The following PIBF1 variants were observed in gnomAD, a reference collection of about 807,000 sequenced individuals.
The protein encoded by PIBF1 is progesterone-induced-blocking factor 1.
In PIBF1, 90 loss-of-function variants were observed where a neutral mutation model predicts 112.5. That is an observed-to-expected ratio of 0.80 (90% confidence interval 0.67 to 0.95). The LOEUF (loss-of-function observed/expected upper bound fraction) is 0.95. PIBF1 is among the 40% of genes least tolerant of loss of function. The pLI, the probability that PIBF1 is intolerant of heterozygous loss-of-function variation, is 0.00. For missense variants in PIBF1, 915 were observed against 852.3 expected (o/e 1.07, Z -0.92); for synonymous variants, 301 against 288.6 (o/e 1.04, Z -0.44).
Position 72,973,626 on chromosome 13 carries a change from CGAA to C in PIBF1, c.2004_2006del (p.Lys668del), listed in dbSNP as rs1279047253. 2.5e-6 allele frequency: 4 copies of C among 1,571,816 alleles called. No homozygotes were observed. The highest frequency in any genetic ancestry group is 2.8e-5 in the African/African-American group (2 of 72,462). On this transcript the variant is annotated inframe_deletion, in exon 16 of 18. Transcript: ENST00000326291. The stretch of plus-strand genomic sequence containing the variant: ...AAAGAAAAGTCAGCTTTACTACAGA[CGAA>C]GAATCAAATGGCATTAGATTTAGAA...
intron 10 of PIBF1, among the ~76,000 whole-genome samples, chr13:72,864,305 G>C (rs74512534): frequency 6.6e-6 from 1 of 152,116 alleles, no homozygotes; most frequent in Non-Finnish European, 1.5e-5. Flanking sequence ...TGTGTAATTC[G>C]GGGTTACACG....
chr13:72,947,814 T>A (rs567103186), intron 14 of PIBF1, among the ~76,000 whole-genome samples: 12 of 152,234 alleles, frequency 7.9e-5, no homozygotes, highest in Admixed American at 5.2e-4. Flanking sequence ...CTATTCACAA[T>A]AGCAAAGACT....
At chr13:72,950,263 G>A (rs1479068327) in intron 14 of PIBF1, among the ~76,000 whole-genome samples, 4 of 152,148 alleles carry the variant, frequency 2.6e-5, no homozygotes, top group African/African-American at 7.2e-5. Context: ...CTAAGACTCA[G>A]AGAACCCCAA....
chr13:72,839,686 T>C (rs2037517752), intron 9 of PIBF1, among the ~76,000 whole-genome samples: 1 of 152,224 alleles, frequency 6.6e-6, no homozygotes, highest in African/African-American at 2.4e-5. Flanking sequence ...AACTTTGGTA[T>C]GTAATCATCT....
At chr13:72,987,955 C>G (rs1339616546) in intron 16 of PIBF1, among the ~76,000 whole-genome samples, 1 of 143,472 alleles carries the variant, frequency 7.0e-6, no homozygotes, top group African/African-American at 2.6e-5. Flanking sequence ...CTCCGCCCCC[C>G]GGGTTTATGT....
chr13:72,892,272 A>G (rs2040087940), intron 10 of PIBF1, among the ~76,000 whole-genome samples: 1 of 152,120 alleles, frequency 6.6e-6, no homozygotes, highest in Admixed American at 6.6e-5. Flanking sequence ...TAATGCCAGG[A>G]TTTTCCAAAA....
chr13:72,801,188 A>C (rs2035452878), intron 5 of PIBF1, among the ~76,000 whole-genome samples: 1 of 152,130 alleles, frequency 6.6e-6, no homozygotes, highest in Non-Finnish European at 1.5e-5. Flanking sequence ...TGAAATGAAA[A>C]GTTGCAGGAT....
At chr13:72,873,354 G>A (rs2039244954) in intron 10 of PIBF1, among the ~76,000 whole-genome samples, 1 of 152,082 alleles carries the variant, frequency 6.6e-6, no homozygotes, top group South Asian at 2.1e-4. Context: ...AGTTATCAAA[G>A]GTTGCATAAA....
intron 13 of PIBF1, among the ~76,000 whole-genome samples, chr13:72,927,964 T>TATATATATATACATATATATATACAC (rs1555316876): frequency 6.1e-5 from 5 of 82,152 alleles, no homozygotes; most frequent in African/African-American, 2.8e-4. Context: ...TATATACACA[T>TATATATATATACATATATATATACAC]ATATATATAT....
intron 16 of PIBF1, among the ~76,000 whole-genome samples, chr13:72,987,858 A>ATTTATTTTTTTTTTT (rs1345167411): frequency 1.7e-5 from 1 of 58,134 alleles, no homozygotes; most frequent in African/African-American, 9.3e-5. Flanking sequence ...TTATTTATTT[A>ATTTATTTTTTTTTTT]TTTTTTTTTT....
chr13:72,953,047 G>T (rs981893840), intron 14 of PIBF1, among the ~76,000 whole-genome samples: 1 of 152,144 alleles, frequency 6.6e-6, no homozygotes, highest in East Asian at 1.9e-4. Context: ...GACAGAAGCA[G>T]CTGGGGAAGG....
intron 15 of PIBF1, among the ~76,000 whole-genome samples, chr13:72,968,446 A>G (rs1371304009): frequency 2.0e-5 from 3 of 151,336 alleles, no homozygotes; most frequent in Non-Finnish European, 4.4e-5. Flanking sequence ...GATAACAAGC[A>G]CCCACCACCA....
At chr13:72,788,858 A>C (rs1043043964) in intron 2 of PIBF1, among the ~76,000 whole-genome samples, 1 of 152,200 alleles carries the variant, frequency 6.6e-6, no homozygotes, top group African/African-American at 2.4e-5. Context: ...TTTGAATCTA[A>C]CATGTCCCAC....
chr13:72,917,696 T>C (rs954572905), intron 13 of PIBF1, among the ~76,000 whole-genome samples: 58 of 152,222 alleles, frequency 3.8e-4, no homozygotes, highest in Non-Finnish European at 1.0e-4. Context: ...GTTTCACATG[T>C]GTGAATTCAA....
At chr13:72,888,665 T>C (rs1268300337) in intron 10 of PIBF1, among the ~76,000 whole-genome samples, 1 of 152,126 alleles carries the variant, frequency 6.6e-6, no homozygotes, top group African/African-American at 2.4e-5. Context: ...TGGTCTATTA[T>C]ATAGCAAATG....
At chr13:72,954,661 G>A (rs1364893753) in intron 14 of PIBF1, among the ~76,000 whole-genome samples, 2 of 152,232 alleles carry the variant, frequency 1.3e-5, no homozygotes, top group Non-Finnish European at 2.9e-5. Flanking sequence ...TTTGCTGTGG[G>A]AGTGTGTGTT....
At chr13:72,938,236 G>A (rs1247545389) in intron 14 of PIBF1, among the ~76,000 whole-genome samples, 2 of 151,972 alleles carry the variant, frequency 1.3e-5, no homozygotes, top group African/African-American at 2.4e-5. Context: ...CCATTTTAAA[G>A]TATACGATTT....
chr13:72,803,067 T>C (rs2035559249), intron 5 of PIBF1, among the ~76,000 whole-genome samples: 1 of 152,116 alleles, frequency 6.6e-6, no homozygotes, highest in Non-Finnish European at 1.5e-5. Flanking sequence ...TCAAGAGTAG[T>C]TCTGGAGGAG....
intron 5 of PIBF1, among the ~76,000 whole-genome samples, chr13:72,799,760 C>T (rs2035381717): frequency 6.6e-6 from 1 of 152,176 alleles, no homozygotes; most frequent in South Asian, 2.1e-4. Context: ...TGGTTCTATA[C>T]ACCTTATGGT....
Sources: gnomAD v4.1 joint callset for allele counts (sites outside exome capture counted in the v4.1 genomes callset) on GRCh38, gnomAD v4.1.1 for gene constraint, MANE v1.5 for transcripts, NCBI Gene and HGNC (gene_info 2026-07-23, HGNC 2026-07-21) for gene names.